TMED10: variants seen among roughly 807,000 people sequenced by gnomAD.
TMED10 encodes transmembrane emp24 domain-containing protein 10.
A neutral mutation model predicts 23.1 loss-of-function variants in TMED10; 7 were observed. The ratio of observed to expected loss-of-function variants is 0.30; its 90% CI spans 0.17 to 0.57. The LOEUF is 0.57. TMED10 is among the 20% of genes least tolerant of loss of function. TMED10 has a pLI of 0.91. For missense variants in TMED10, 162 were observed against 274.8 expected, an observed-to-expected ratio of 0.59 and a Z score of 2.90; for synonymous variants, 113 against 106.9, an observed-to-expected ratio of 1.06 and a Z score of -0.35.
At chr14:75,144,545 A>G (rs1243946730) in intron 3 of TMED10, among the ~76,000 whole-genome samples, 2 of 152,234 alleles carry the variant, frequency 1.3e-5, no homozygotes, top group African/African-American at 4.8e-5. Context: ...ATAACAATTT[A>G]GGTAGGTAGT....
rs189210849 is a variant in TMED10, at chr14:75,156,509, G to A, written c.226-4366C>T. 2.0e-5 allele frequency among the ~76,000 whole-genome samples: 3 copies of A among 152,074 alleles called. No individual in the cohort carries two copies. In the East Asian group the frequency reaches 5.8e-4, roughly 29 times the overall value. ...CCATACACAGCAAACTAGAAAAGAT[G>A]GCCTGTGTTATAGGAAAAGCCAATG... is the stretch of plus-strand genomic sequence containing the variant. On this transcript the variant is annotated intron_variant, in intron 1 of 4. Coordinates refer to ENST00000303575, the MANE Select transcript of TMED10 (RefSeq NM_006827.6).
chr14:75,139,068 G>A (rs1895790594), intron 3 of TMED10: 1 of 427,688 alleles, frequency 2.3e-6, no homozygotes, highest in Non-Finnish European at 4.6e-6. Context: ...TAAACCAAAA[G>A]TCTACCTTCA....
intron 1 of TMED10, among the ~76,000 whole-genome samples, chr14:75,157,640 AAC>A (rs1400188019): frequency 4.9e-5 from 6 of 123,170 alleles, no homozygotes; most frequent in African/African-American, 1.1e-4. Flanking sequence ...ACAGAGTGAG[AAC>A]ATGTCTCAAT....
At chr14:75,160,333 T>C (rs1361099452) in intron 1 of TMED10, among the ~76,000 whole-genome samples, 1 of 152,158 alleles carries the variant, frequency 6.6e-6, no homozygotes, top group African/African-American at 2.4e-5. Context: ...AATTAGGGAA[T>C]AGGAAACTGG....
rs1895722304 is a variant in TMED10 at position 75,134,309 on chromosome 14, G to A, written c.*576C>T. 1 of 154,164 alleles carries A rather than the reference G, an allele frequency of 6.5e-6. No homozygotes were observed. The highest frequency in any genetic ancestry group is 6.4e-5 in the Admixed American group (1 of 15,560). 9.5% of individuals were successfully genotyped at this position (154,164 alleles called of 1,614,324 possible). ...ACATTTTCTTTAAGAGTTATCTACA[G>A]TTCAAAGCTCACTTTTATGAGGTGT... On this transcript the variant is annotated 3_prime_UTR_variant, in exon 5 of 5. Coordinates refer to ENST00000303575, the MANE Select transcript of TMED10 (RefSeq NM_006827.6).
chr14:75,156,915 A>AG lies in TMED10; in HGVS notation c.226-4773_226-4772insC, dbSNP rs1896025831. ...GTGACAGAGCAAGACTCCGTCTCAA[A>AG]AAAAAGAAAAGAAAAGAAAAGAAAA... On this transcript the variant is annotated intron_variant, in intron 1 of 4. Coordinates refer to ENST00000303575, the MANE Select transcript of TMED10 (RefSeq NM_006827.6). Among the ~76,000 whole-genome samples, 9 of 145,354 alleles carry AG rather than the reference A, an allele frequency of 6.2e-5. No homozygotes were observed. In the East Asian group the frequency reaches 1.9e-3, roughly 30 times the overall value.
intron 2 of TMED10, among the ~76,000 whole-genome samples, chr14:75,149,896 G>C (rs1162263097): frequency 6.6e-6 from 1 of 152,152 alleles, no homozygotes; most frequent in Admixed American, 6.5e-5. Context: ...CTTGAGGTTC[G>C]AGTTCGAGAC....
At chr14:75,171,713 C>A (rs1000869080) in intron 1 of TMED10, among the ~76,000 whole-genome samples, 2 of 152,242 alleles carry the variant, frequency 1.3e-5, no homozygotes, top group Admixed American at 1.3e-4. Flanking sequence ...TGCCAAAACC[C>A]TGATTTTAGG....
chr14:75,142,417 ACT>A (rs1375947834), intron 3 of TMED10, among the ~76,000 whole-genome samples: 2 of 152,064 alleles, frequency 1.3e-5, no homozygotes, highest in East Asian at 1.9e-4. Context: ...AAACTGCCAA[ACT>A]CTGCTGTAAA....
chr14:75,133,155 G>T lies in TMED10; in HGVS notation c.*1730C>A, dbSNP rs1895708024. The T allele has an allele frequency of 1.3e-5, 2 of 152,136 alleles. No homozygotes were observed. The highest frequency in any genetic ancestry group is 4.1e-4 in the South Asian group (2 of 4,824). The allele number at this position is 152,136 out of a possible 1,614,324, so 9.4% of individuals were successfully genotyped here. On this transcript the variant is annotated 3_prime_UTR_variant, in exon 5 of 5. Coordinates refer to ENST00000303575, the MANE Select transcript of TMED10 (RefSeq NM_006827.6). ...TGGAACACTGAAGGACAGGAATTAA[G>T]TAAGTGACTGGCCATGCAAGGGTTG... is the stretch of plus-strand genomic sequence containing the variant.
At chr14:75,174,323 C>G (rs1330780589) in intron 1 of TMED10, among the ~76,000 whole-genome samples, 1 of 152,106 alleles carries the variant, frequency 6.6e-6, no homozygotes, top group Non-Finnish European at 1.5e-5. Context: ...ACGTATAGCT[C>G]AGAAACAGAT....
intron 1 of TMED10, chr14:75,175,848 T>C (rs1402106095): frequency 6.4e-6 from 1 of 157,034 alleles, no homozygotes; most frequent in Non-Finnish European, 1.4e-5. Flanking sequence ...TAACAGTACC[T>C]ACCTACTTCA....
Position 75,132,019 on chromosome 14 carries a change from A to G in TMED10, c.*2866T>C, listed in dbSNP as rs1895691460. On this transcript the variant is annotated 3_prime_UTR_variant, in exon 5 of 5. Transcript: ENST00000303575. ...AGCTTTCGTTGCTCCTAAAAAGGGG[A>G]AAGGCACCAGTCAGAAATAGGAAAG... 6.6e-6 allele frequency: 1 copy of G among 152,634 alleles called. No individual in the cohort carries two copies. The highest frequency in any genetic ancestry group is 1.5e-5 in the Non-Finnish European group (1 of 68,050). 9.5% of individuals were successfully genotyped at this position (152,634 alleles called of 1,614,324 possible). A position where few individuals can be genotyped will look rare whatever the true frequency, so the allele number is the denominator to read the frequency against.
intron 2 of TMED10, among the ~76,000 whole-genome samples, chr14:75,148,648 T>G (rs1895917798): frequency 6.6e-6 from 1 of 152,190 alleles, no homozygotes; most frequent in Non-Finnish European, 1.5e-5. Flanking sequence ...ACAGTGCCAC[T>G]GAAGCACTGG....
chr14:75,164,468 T>C (rs1594873479), intron 1 of TMED10, among the ~76,000 whole-genome samples: 1 of 146,402 alleles, frequency 6.8e-6, no homozygotes, highest in South Asian at 2.2e-4. Context: ...CCTGACCATG[T>C]GATCCACCCA....
At chr14:75,148,401 G>GAA (rs911726909) in intron 2 of TMED10, among the ~76,000 whole-genome samples, 7 of 137,528 alleles carry the variant, frequency 5.1e-5, no homozygotes, top group African/African-American at 1.6e-4. Context: ...ACAGCTCAAG[G>GAA]AAAAAAAAAA....
In TMED10 at chr14:75,132,168, A is replaced by G. The variant is rs2139826199; in HGVS notation, c.*2717T>C. On this transcript the variant is annotated 3_prime_UTR_variant, in exon 5 of 5. Coordinates refer to ENST00000303575, the MANE Select transcript of TMED10 (RefSeq NM_006827.6). Reference sequence around the variant, plus strand: ...TTTGGGAGGCTGAGGCAGGCAGATCACTTGAGGTCAGGAGTTCGAGACCAA... The same window carrying G: ...TTTGGGAGGCTGAGGCAGGCAGATCGCTTGAGGTCAGGAGTTCGAGACCAA... 6.6e-6 allele frequency: 1 copy of G among 152,314 alleles called. No individual in the cohort carries two copies. The highest frequency in any genetic ancestry group is 1.5e-5 in the Non-Finnish European group (1 of 68,058). 9.4% of individuals were successfully genotyped at this position (152,314 alleles called of 1,614,324 possible). A position where few individuals can be genotyped will look rare whatever the true frequency, so the allele number is the denominator to read the frequency against.
At chr14:75,140,531 A>C (rs1322559926) in intron 3 of TMED10, among the ~76,000 whole-genome samples, 1 of 151,520 alleles carries the variant, frequency 6.6e-6, no homozygotes, top group Non-Finnish European at 1.5e-5. Flanking sequence ...AACATGGTGA[A>C]ACCCAGTCTT....
chr14:75,166,939 CTT>C lies in TMED10; in HGVS notation c.225+9414_225+9415del, dbSNP rs35308116. 6.1e-4 allele frequency among the ~76,000 whole-genome samples: 70 copies of C among 114,526 alleles called. 1 individual carries two copies. Among genetic ancestry groups the C allele is most frequent in the South Asian group, 8.6e-4 (3 of 3,472 alleles). The allele number at this position is 114,526 out of a possible 152,430, so 75.1% of individuals were successfully genotyped here. On this transcript the variant is annotated intron_variant, in intron 1 of 4. Coordinates refer to ENST00000303575, the MANE Select transcript of TMED10 (RefSeq NM_006827.6). ...TGACTGAGCAACATGCATCCTATTC[CTT>C]TTTTTTTTTTTTTTTTTTGAGACGG...
Sources: allele counts gnomAD v4.1 joint callset (sites outside exome capture counted in the v4.1 genomes callset), GRCh38; gene constraint gnomAD v4.1.1; transcripts MANE v1.5; gene names NCBI Gene and HGNC (gene_info 2026-07-23, HGNC 2026-07-21).